Variants in MAST4 observed in about 807,000 individuals in gnomAD.
MAST4 encodes microtubule-associated serine/threonine-protein kinase 4.
In MAST4, 89 loss-of-function variants were observed where a neutral mutation model predicts 162.7. The ratio of observed to expected loss-of-function variants is 0.55; its 90% CI spans 0.46 to 0.65. The LOEUF (loss-of-function observed/expected upper bound fraction) is 0.65, where lower values mean the gene tolerates loss of function less well. MAST4 is among the 30% of genes least tolerant of loss of function. The probability of loss-of-function intolerance (pLI) is 0.00; values close to 1 mark genes in which losing one functional copy is unlikely to be tolerated. For missense variants in MAST4, 3,153 were observed against 3,374.0 expected (o/e 0.93, Z 1.62); for synonymous variants, 1,479 against 1,361.1 (o/e 1.09, Z -1.91).
At chr5:66,815,277 C>T (rs1756662856) in intron 3 of MAST4, among the ~76,000 whole-genome samples, 1 of 152,188 alleles carries the variant, frequency 6.6e-6, no homozygotes, top group South Asian at 2.1e-4. Context: ...CTTCTGAAAA[C>T]TGAGCAGTAA....
Position 67,164,612 on chromosome 5 carries a change from C to G in MAST4, c.5433C>G (p.Ser1811=), listed in dbSNP as rs1303536143. Residue 1811 remains serine (S), a synonymous_variant, in exon 29 of 29, where the codon TCC becomes TCG. Transcript: ENST00000403625. The surrounding 1 kb of genome is among the most constrained non-coding windows in gnomAD (Gnocchi z 5.3). ...GCACTCTGGACATTGCTCTCCTGTCCGGACCTCAGGCCTCCAAGACAGAAC... is the reference window on the plus strand; with the variant it reads ...GCACTCTGGACATTGCTCTCCTGTCGGGACCTCAGGCCTCCAAGACAGAAC... ...IEGTLDIALL[S]GPQASKTELP... is the part of the protein sequence containing the mutation. 1 of 1,613,992 alleles carries G rather than the reference C, an allele frequency of 6.2e-7. No individual in the cohort carries two copies. The highest frequency in any genetic ancestry group is 8.5e-7 in the Non-Finnish European group (1 of 1,179,878).
chr5:66,606,601 T>C (rs1742899470), intron 1 of MAST4, among the ~76,000 whole-genome samples: 1 of 152,226 alleles, frequency 6.6e-6, no homozygotes, highest in Non-Finnish European at 1.5e-5. Flanking sequence ...AGGTTTTGCA[T>C]ATATGTTGTT....
At chr5:66,993,909 G>T (rs1205365499) in intron 4 of MAST4, among the ~76,000 whole-genome samples, 3 of 127,984 alleles carry the variant, frequency 2.3e-5, no homozygotes, top group Admixed American at 8.1e-5. Flanking sequence ...GAATCAATGG[G>T]TGTGCAGAAG....
intron 4 of MAST4, among the ~76,000 whole-genome samples, chr5:66,978,964 G>A (rs1748463386): frequency 6.6e-6 from 1 of 152,150 alleles, no homozygotes; most frequent in South Asian, 2.1e-4. Flanking sequence ...AAGGAATGAT[G>A]AAGAGCTGAA....
intron 1 of MAST4, 135 bp from the exon 2 acceptor site, chr5:66,759,573 AG>A: frequency 9.2e-7 from 1 of 1,084,574 alleles, no homozygotes; most frequent in Non-Finnish European, 1.3e-6. Context: ...TCTCTAACGT[AG>A]CAAAATTGAA....
intron 4 of MAST4, among the ~76,000 whole-genome samples, chr5:66,987,149 G>A (rs1268871287): frequency 1.3e-5 from 2 of 152,112 alleles, no homozygotes; most frequent in Non-Finnish European, 2.9e-5. Context: ...ATATAAGTAT[G>A]TGTAAAGTTT....
chr5:67,105,350 A>G (rs1030499387), intron 10 of MAST4, among the ~76,000 whole-genome samples: 5 of 152,232 alleles, frequency 3.3e-5, no homozygotes, highest in Admixed American at 2.0e-4. Context: ...TATGTAAATA[A>G]TTGCAGAAAA....
chr5:66,854,710 A>G (rs1257566837), intron 3 of MAST4, among the ~76,000 whole-genome samples: 1 of 152,064 alleles, frequency 6.6e-6, no homozygotes, highest in African/African-American at 2.4e-5. Context: ...GTTGTATTCT[A>G]GTCCTTAGAA....
At chr5:66,987,357 G>C (rs1645237) in intron 4 of MAST4, among the ~76,000 whole-genome samples, 123,174 of 152,032 alleles carry the variant, frequency 0.81, 49,990 homozygotes, top group East Asian at 0.84. Flanking sequence ...AAAATCAGAA[G>C]TTTTCAGATG....
At chr5:66,952,168 G>T (rs1744790299) in intron 4 of MAST4, among the ~76,000 whole-genome samples, 1 of 152,128 alleles carries the variant, frequency 6.6e-6, no homozygotes, top group Non-Finnish European at 1.5e-5. Context: ...CATGTTGTCT[G>T]GGGAAGGAAG....
chr5:67,034,605 C>T (rs1755778707), intron 4 of MAST4, among the ~76,000 whole-genome samples: 1 of 152,174 alleles, frequency 6.6e-6, no homozygotes, highest in African/African-American at 2.4e-5. Context: ...TAAGCTTTAA[C>T]CAGTGACAGT....
In MAST4 at chr5:66,886,924, CA is replaced by C. The variant is rs552321256; in HGVS notation, c.643-13021del. ...CTCAGTTGTATAGTCTTTCTGATCCCAAAAAACCACAGGGGATCATTTTGAC... is the reference window on the plus strand; with the variant it reads ...CTCAGTTGTATAGTCTTTCTGATCCCAAAAACCACAGGGGATCATTTTGAC... On this transcript the variant is annotated intron_variant, in intron 3 of 28. Transcript: ENST00000403625. Among the ~76,000 whole-genome samples the C allele has an allele frequency of 2.0e-5, 3 of 151,650 alleles. No homozygotes were observed. The East Asian group carries it at 5.8e-4, about 29-fold the overall frequency.
At chr5:66,629,857 C>T (rs1488791513) in intron 1 of MAST4, among the ~76,000 whole-genome samples, 1 of 152,098 alleles carries the variant, frequency 6.6e-6, no homozygotes, top group Non-Finnish European at 1.5e-5. Context: ...CGCTTCTTGG[C>T]CTTTTGGTTA....
chr5:67,028,974 A>T (rs1244206323), intron 4 of MAST4, among the ~76,000 whole-genome samples: 1 of 152,050 alleles, frequency 6.6e-6, no homozygotes, highest in African/African-American at 2.4e-5. Flanking sequence ...ACAAAAATAA[A>T]AGATAAATAA....
intron 4 of MAST4, among the ~76,000 whole-genome samples, chr5:66,954,570 CAATA>C (rs1365358918): frequency 6.6e-6 from 1 of 152,048 alleles, no homozygotes; most frequent in Non-Finnish European, 1.5e-5. Flanking sequence ...GGAAGACAGA[CAATA>C]AATAAATATA....
intron 1 of MAST4, among the ~76,000 whole-genome samples, chr5:66,646,902 T>C (rs1745876520): frequency 6.6e-6 from 1 of 152,234 alleles, no homozygotes; most frequent in Admixed American, 6.5e-5. Context: ...CTTATTGTTA[T>C]CAATGTGATT....
chr5:67,095,458 C>A, intron 6 of MAST4, 139 bp from the exon 7 acceptor site: 1 of 572,438 alleles, frequency 1.7e-6, no homozygotes, highest in Non-Finnish European at 3.1e-6. Context: ...GTTTGTTTAC[C>A]CTGACCCTTG....
chr5:66,683,195 T>C (rs1178718018), intron 1 of MAST4, among the ~76,000 whole-genome samples: 1 of 152,212 alleles, frequency 6.6e-6, no homozygotes, highest in Non-Finnish European at 1.5e-5. Context: ...TTGGCTGCCA[T>C]GTAAAAATTA....
intron 1 of MAST4, among the ~76,000 whole-genome samples, chr5:66,720,285 G>A (rs898910132): frequency 2.0e-5 from 3 of 151,676 alleles, no homozygotes; most frequent in Admixed American, 2.0e-4. Context: ...AATGAAATGG[G>A]GAAACTTTCC....
Sources: gnomAD v4.1 joint callset for allele counts (sites outside exome capture counted in the v4.1 genomes callset) on GRCh38, gnomAD v4.1.1 for gene constraint, Gnocchi (gnomAD v3.1) non-coding constraint, MANE v1.5 for transcripts, NCBI Gene and HGNC (gene_info 2026-07-23, HGNC 2026-07-21) for gene names.